TTYH3: variants seen among roughly 807,000 people sequenced by gnomAD.
The protein encoded by TTYH3 is protein tweety homolog 3.
TTYH3 carries 23 observed loss-of-function variants against 68.2 expected under a neutral mutation model. The observed-to-expected ratio is 0.34, with a 90% CI of 0.24 to 0.48. The LOEUF is 0.48. TTYH3 is among the 20% of genes least tolerant of loss of function. TTYH3 has a pLI of 0.99. For synonymous variants in TTYH3, 360 were observed against 332.8 expected, an observed-to-expected ratio of 1.08 and a Z score of -0.89; for missense variants, 768 against 727.7, an observed-to-expected ratio of 1.06 and a Z score of -0.64.
intron 1 of TTYH3, among the ~76,000 whole-genome samples, chr7:2,642,497 A>G (rs1354688961): frequency 2.1e-5 from 3 of 146,116 alleles, no homozygotes; most frequent in Admixed American, 7.0e-5. Context: ...AGCCGAGATC[A>G]TGCCACTGCA....
At chr7:2,632,389 C>A in intron 1 of TTYH3, 111 bp downstream of exon 1, 1 of 1,179,510 alleles carries the variant, frequency 8.5e-7, no homozygotes, top group Non-Finnish European at 1.1e-6. Flanking sequence ...TCATCCCCCC[C>A]TCCAGGGTCA....
At chr7:2,660,010 C>A (rs752575839) in intron 13 of TTYH3, 1 of 1,303,842 alleles carries the variant, frequency 7.7e-7, no homozygotes, top group Non-Finnish European at 1.0e-6. Flanking sequence ...AGTGCCCGAA[C>A]GCTGTGGTAG....
chr7:2,632,112 G>A lies in TTYH3; in HGVS notation c.-44G>A. 8 of 1,308,920 alleles carry A rather than the reference G, an allele frequency of 6.1e-6. No homozygotes were observed. The highest frequency in any genetic ancestry group is 6.8e-6 in the Non-Finnish European group (7 of 1,024,280). 81.1% of individuals were successfully genotyped at this position (1,308,920 alleles called of 1,614,324 possible). ...GCCCGCGCCCCGGGCCAGCAAGGGA[G>A]CCCCGCGCAGGCCGCGCGCATCCGG... On this transcript the variant is annotated 5_prime_UTR_variant, in exon 1 of 14. Coordinates refer to ENST00000258796, the MANE Select transcript of TTYH3 (RefSeq NM_025250.3).
chr7:2,649,888 T>C, intron 6 of TTYH3, 25 bp from the exon 7 acceptor site: 1 of 1,613,108 alleles, frequency 6.2e-7, no homozygotes, highest in Admixed American at 1.7e-5. Flanking sequence ...GGTCAACCCC[T>C]CTTGCTTGCC....
Position 2,658,270 on chromosome 7 carries a change from G to C in TTYH3, c.1251-16G>C. The C allele has an allele frequency of 6.5e-7, 1 of 1,538,560 alleles. No homozygotes were observed. The highest frequency in any genetic ancestry group is 8.8e-7 in the Non-Finnish European group (1 of 1,137,622). On this transcript the variant is annotated splice_polypyrimidine_tract_variant and intron_variant, in intron 11 of 13. Transcript: ENST00000258796. ...CTGCTGGGGCCTGAGCCCGTGCTGCGTGTCCCTCCTCACAGAGGCCCTGAT... is the reference window on the plus strand; with the variant it reads ...CTGCTGGGGCCTGAGCCCGTGCTGCCTGTCCCTCCTCACAGAGGCCCTGAT...
intron 6 of TTYH3, 62 bp from the exon 7 acceptor site, chr7:2,649,851 C>A: frequency 6.3e-7 from 1 of 1,590,174 alleles, no homozygotes. Flanking sequence ...GGTTCTACCC[C>A]CGAGAGCTTC....
Position 2,649,583 on chromosome 7 carries a change from G to C in TTYH3, c.739G>C (p.Val247Leu). Reference sequence around the variant, plus strand: ...CTGCCCCAGGGTCTGCCTGCTGGGAGTCCTGGCCCTGGTCATCAGCTGGGG... The same window carrying C: ...CTGCCCCAGGGTCTGCCTGCTGGGACTCCTGGCCCTGGTCATCAGCTGGGG... ...GILVGVCLLGVLALVISWGAL... is the reference protein window; with the variant it reads ...GILVGVCLLGLLALVISWGAL... Residue 247 changes from valine (V) to leucine (L), a missense_variant, in exon 6 of 14, where the codon GTC becomes CTC. By Grantham distance (32) the Val-to-Leu change is conservative (BLOSUM62 1). Transcript: ENST00000258796. 1 of 1,593,154 alleles carries C rather than the reference G, an allele frequency of 6.3e-7. No homozygotes were observed. The highest frequency in any genetic ancestry group is 8.5e-7 in the Non-Finnish European group (1 of 1,175,394).
chr7:2,654,155 G>A (rs1182391549), intron 9 of TTYH3, among the ~76,000 whole-genome samples: 1 of 152,240 alleles, frequency 6.6e-6, no homozygotes, highest in African/African-American at 2.4e-5. Context: ...AGCACTCTGG[G>A]GGGCTGAGGC....
At chr7:2,656,633 A>G in intron 11 of TTYH3, 99 bp downstream of exon 11, 3 of 1,433,338 alleles carry the variant, frequency 2.1e-6, no homozygotes, top group Non-Finnish European at 2.8e-6. Flanking sequence ...TGCCAGTCCC[A>G]GAGGTGAGGG....
intron 13 of TTYH3, chr7:2,660,365 C>CT: frequency 1.0e-6 from 1 of 985,448 alleles, no homozygotes; most frequent in Non-Finnish European, 1.2e-6. Flanking sequence ...ACCCAGACCC[C>CT]TGTATGTGCC....
chr7:2,659,991 C>T (rs1186282488), intron 13 of TTYH3: 1 of 1,304,096 alleles, frequency 7.7e-7, no homozygotes, highest in South Asian at 1.2e-5. Context: ...GCAGTTTAAG[C>T]CCATGGACAG....
intron 1 of TTYH3, among the ~76,000 whole-genome samples, chr7:2,632,560 C>T (rs561422659): frequency 6.6e-6 from 1 of 152,338 alleles, no homozygotes; most frequent in African/African-American, 2.4e-5. Context: ...TCTGGCCTTC[C>T]CTTCTGGTGT....
At chr7:2,635,345 G>A (rs536398183) in intron 1 of TTYH3, among the ~76,000 whole-genome samples, 26 of 152,330 alleles carry the variant, frequency 1.7e-4, no homozygotes, top group East Asian at 9.6e-4. Context: ...TTCTTCCTGC[G>A]TGACCTTGGG....
At chr7:2,633,296 G>T (rs898456664) in intron 1 of TTYH3, among the ~76,000 whole-genome samples, 1 of 152,130 alleles carries the variant, frequency 6.6e-6, no homozygotes, top group Non-Finnish European at 1.5e-5. Context: ...TTGGGAATCC[G>T]GTATTCCGCG....
intron 1 of TTYH3, among the ~76,000 whole-genome samples, chr7:2,637,959 C>T (rs1442114341): frequency 1.3e-5 from 2 of 152,222 alleles, no homozygotes; most frequent in Non-Finnish European, 2.9e-5. Flanking sequence ...GTGCCTTCGG[C>T]CTCTGAGGAG....
At chr7:2,656,229 G>A (rs766439333) in intron 10 of TTYH3, 45 bp downstream of exon 10, 3 of 1,545,886 alleles carry the variant, frequency 1.9e-6, no homozygotes, top group South Asian at 1.2e-5. Flanking sequence ...CTTGTAGGGT[G>A]GGAACAGGGG....
rs199910535 is a variant in TTYH3 at position 2,656,084 on chromosome 7, C to T, written c.1021-8C>T. The stretch of plus-strand genomic sequence containing the variant: ...AAGTGCTGACCATCTGCGGTGCGTG[C>T]CCCCCAGGACCCCCTCCTCCGCGTC... On this transcript the variant is annotated splice_polypyrimidine_tract_variant and splice_region_variant and intron_variant, in intron 9 of 13. Coordinates refer to ENST00000258796, the MANE Select transcript of TTYH3 (RefSeq NM_025250.3). The T allele has an allele frequency of 1.9e-3, 2,866 of 1,532,376 alleles. 4 individuals are homozygous for T. The highest frequency in any genetic ancestry group is 3.4e-3 in the Middle Eastern group (20 of 5,838). The allele number at this position is 1,532,376 out of a possible 1,614,324, so 94.9% of individuals were successfully genotyped here. A position where few individuals can be genotyped will look rare whatever the true frequency, so the allele number is the denominator to read the frequency against.
intron 1 of TTYH3, among the ~76,000 whole-genome samples, chr7:2,638,534 G>A (rs934441354): frequency 1.3e-5 from 2 of 152,050 alleles, no homozygotes; most frequent in African/African-American, 2.4e-5. Context: ...AGGGAGCCCC[G>A]GGGGGTGTGG....
chr7:2,643,778 G>A (rs903931883), intron 1 of TTYH3, among the ~76,000 whole-genome samples: 1 of 151,808 alleles, frequency 6.6e-6, no homozygotes, highest in African/African-American at 2.4e-5. Flanking sequence ...CGAGCTCTGG[G>A]TGGACATGCC....
Sources: allele counts gnomAD v4.1 joint callset (sites outside exome capture counted in the v4.1 genomes callset), GRCh38; gene constraint gnomAD v4.1.1; transcripts MANE v1.5; gene names NCBI Gene and HGNC (gene_info 2026-07-23, HGNC 2026-07-21).